Variants in FAM117A observed in about 807,000 individuals in gnomAD.
FAM117A encodes the protein protein FAM117A.
In FAM117A, 21 loss-of-function variants were observed where a neutral mutation model predicts 44.1. The observed-to-expected ratio is 0.48, with a 90% CI of 0.34 to 0.69. The LOEUF (loss-of-function observed/expected upper bound fraction) is 0.69. FAM117A is among the 30% of genes least tolerant of loss of function. The probability of loss-of-function intolerance (pLI) is 0.01; values close to 1 mark genes in which losing one functional copy is unlikely to be tolerated. For missense variants in FAM117A, 498 were observed against 589.9 expected (o/e 0.84, Z 1.61); for synonymous variants, 220 against 238.3 (o/e 0.92, Z 0.71).
chr17:49,764,887 T>C (rs2073740523), upstream of FAM117A, among the ~76,000 whole-genome samples: 1 of 152,186 alleles, frequency 6.6e-6, no homozygotes, highest in African/African-American at 2.4e-5. Flanking sequence ...ATTGGGACTC[T>C]GAAAAGAAGC....
intron 1 of FAM117A, among the ~76,000 whole-genome samples, chr17:49,737,824 A>C (rs1045180120): frequency 7.9e-5 from 12 of 152,230 alleles, no homozygotes; most frequent in Non-Finnish European, 2.9e-5. Flanking sequence ...TCTGTAAGTC[A>C]GCAGCAGTCC....
intron 7 of FAM117A, among the ~76,000 whole-genome samples, chr17:49,715,413 C>G (rs2073497683): frequency 6.6e-6 from 1 of 152,162 alleles, no homozygotes; most frequent in South Asian, 2.1e-4. Context: ...CACTGAAACC[C>G]CAACTTGGTG....
chr17:49,771,344 T>C (rs935604689), intron 1 of FAM117A, among the ~76,000 whole-genome samples: 4 of 152,210 alleles, frequency 2.6e-5, no homozygotes, highest in African/African-American at 4.8e-5. Context: ...ATTGATGATG[T>C]GTGGGAGACC....
At chr17:49,726,701 G>A (rs763794514) in intron 2 of FAM117A, among the ~76,000 whole-genome samples, 1 of 152,186 alleles carries the variant, frequency 6.6e-6, no homozygotes, top group Admixed American at 6.5e-5. Context: ...ACCTGGCCAG[G>A]TGCGGTGGCT....
exon 1 of FAM117A, chr17:49,788,552 T>C (rs1039155500): frequency 3.3e-5 from 13 of 398,162 alleles, no homozygotes; most frequent in Non-Finnish European, 1.4e-5. Context: ...TCTGCCCAAC[T>C]TCAAAATGGC....
At chr17:49,742,865 T>C (rs1415509043) in intron 1 of FAM117A, among the ~76,000 whole-genome samples, 3 of 152,108 alleles carry the variant, frequency 2.0e-5, no homozygotes. Context: ...ATTAGGGAAG[T>C]TCAAAGACAA....
intron 1 of FAM117A, among the ~76,000 whole-genome samples, chr17:49,762,662 T>C (rs926269385): frequency 2.0e-5 from 3 of 152,224 alleles, no homozygotes; most frequent in Non-Finnish European, 4.4e-5. Context: ...CAAGAGACTC[T>C]GGTTTAGAGA....
At chr17:49,756,173 CT>C (rs886378496) in intron 1 of FAM117A, among the ~76,000 whole-genome samples, 4 of 151,524 alleles carry the variant, frequency 2.6e-5, no homozygotes, top group African/African-American at 7.3e-5. Flanking sequence ...TATATTGACA[CT>C]TTTTTTTTAA....
intron 1 of FAM117A, among the ~76,000 whole-genome samples, chr17:49,773,166 G>T (rs2143798332): frequency 6.6e-6 from 1 of 152,284 alleles, no homozygotes; most frequent in South Asian, 2.1e-4. Context: ...TTAGCCAGGC[G>T]TGGTGGTGGG....
Position 49,711,515 on chromosome 17 carries a change from C to CAGGACAGGAAGTCAGGA in FAM117A, c.1085_1101dup (p.Asp368SerfsTer2). The CAGGACAGGAAGTCAGGA allele has an allele frequency of 6.2e-7, 1 of 1,613,986 alleles. No homozygotes were observed. The highest frequency in any genetic ancestry group is 8.5e-7 in the Non-Finnish European group (1 of 1,180,000). ...GGGTTGAAATGGACTTTGTTCTTGT[C>CAGGACAGGAAGTCAGGA]AGGACAGGAAGTCAGGAAGGCCAGG... On this transcript the variant is annotated stop_gained and frameshift_variant, in exon 8 of 8. Coordinates refer to ENST00000240364, the MANE Select transcript of FAM117A (RefSeq NM_030802.4). LOFTEE classifies it high-confidence loss of function.
At chr17:49,781,779 C>T (rs1403718271) in intron 1 of FAM117A, among the ~76,000 whole-genome samples, 1 of 151,928 alleles carries the variant, frequency 6.6e-6, no homozygotes, top group Non-Finnish European at 1.5e-5. Context: ...GAGTTTGAGA[C>T]CAGCCTAGGT....
intron 1 of FAM117A, among the ~76,000 whole-genome samples, chr17:49,746,166 T>C (rs578084432): frequency 6.6e-6 from 1 of 152,294 alleles, no homozygotes; most frequent in Non-Finnish European, 1.5e-5. Context: ...TAGACACACA[T>C]ATACATAAAC....
rs1348091570 is a variant in FAM117A, at chr17:49,710,764, G to C, written c.*491C>G. On this transcript the variant is annotated 3_prime_UTR_variant, in exon 8 of 8. Transcript: ENST00000240364. ...GCAGCTGAATTGGTCAAGTGTTATGGCCCGTTAGGGCTGCTTTGGTCAGCT... is the reference window on the plus strand; with the variant it reads ...GCAGCTGAATTGGTCAAGTGTTATGCCCCGTTAGGGCTGCTTTGGTCAGCT... The C allele has an allele frequency of 6.5e-6, 1 of 153,756 alleles. No individual in the cohort carries two copies. The highest frequency in any genetic ancestry group is 1.5e-5 in the Non-Finnish European group (1 of 68,954). 9.5% of individuals were successfully genotyped at this position (153,756 alleles called of 1,614,324 possible).
chr17:49,728,867 T>C (rs1598023516), intron 2 of FAM117A, among the ~76,000 whole-genome samples: 1 of 152,318 alleles, frequency 6.6e-6, no homozygotes, highest in East Asian at 1.9e-4. Flanking sequence ...CCAATTACCA[T>C]GTTCACACAT....
Position 49,734,908 on chromosome 17 carries a change from C to T in FAM117A, c.197-2188G>A, listed in dbSNP as rs2143740136. Among the ~76,000 whole-genome samples, 4 of 152,132 alleles carry T rather than the reference C, an allele frequency of 2.6e-5. No homozygotes were observed. The South Asian group carries it at 8.3e-4, about 31-fold the overall frequency. ...TACAGATGATGCTGAGTTAAGTAAGCAAGACAAAAGGACAAATATTCTGTT... is the reference window on the plus strand; with the variant it reads ...TACAGATGATGCTGAGTTAAGTAAGTAAGACAAAAGGACAAATATTCTGTT... On this transcript the variant is annotated intron_variant, in intron 1 of 7. Transcript: ENST00000240364.
chr17:49,721,615 T>C (rs1402122859), intron 3 of FAM117A, among the ~76,000 whole-genome samples: 1 of 152,232 alleles, frequency 6.6e-6, no homozygotes, highest in East Asian at 1.9e-4. Context: ...GGGTGAGTCC[T>C]ATCGAGTTGA....
At chr17:49,719,624 G>A in intron 5 of FAM117A, 136 bp downstream of exon 5, 1 of 1,068,110 alleles carries the variant, frequency 9.4e-7, no homozygotes, top group Non-Finnish European at 1.3e-6. Flanking sequence ...CATTCCTTTT[G>A]CAGGCTGGTG....
chr17:49,723,394 T>A (rs1231815754), intron 2 of FAM117A, among the ~76,000 whole-genome samples: 1 of 152,124 alleles, frequency 6.6e-6, no homozygotes, highest in African/African-American at 2.4e-5. Flanking sequence ...CAGGGAGAGC[T>A]GCAGGACTAC....
At chr17:49,749,732 C>T (rs1226815338) in intron 1 of FAM117A, among the ~76,000 whole-genome samples, 2 of 148,420 alleles carry the variant, frequency 1.3e-5, no homozygotes, top group Non-Finnish European at 3.0e-5. Context: ...CCTGCTGACT[C>T]CACTGCTGGG....
Sources: allele counts gnomAD v4.1 joint callset (sites outside exome capture counted in the v4.1 genomes callset), GRCh38; gene constraint gnomAD v4.1.1; transcripts MANE v1.5; gene names NCBI Gene and HGNC (gene_info 2026-07-23, HGNC 2026-07-21).